EPHB1: variants seen among roughly 807,000 people sequenced by gnomAD.
EPHB1 encodes EPH receptor B1, also known as ephrin type-B receptor 1.
Under a neutral mutation model 94.4 loss-of-function variants are expected in EPHB1, and 30 were observed. That is an observed-to-expected ratio of 0.32 (90% CI 0.24 to 0.43). EPHB1 has a LOEUF of 0.43. Among genes scored for constraint, EPHB1 ranks in the 20% least tolerant of loss-of-function variants. The probability of loss-of-function intolerance (pLI) is 1.00; values close to 1 mark genes in which losing one functional copy is unlikely to be tolerated. For synonymous variants in EPHB1, 522 were observed against 489.1 expected (o/e 1.07, Z -0.89); for missense variants, 1,055 against 1,308.3 (o/e 0.81, Z 2.99).
intron 3 of EPHB1, among the ~76,000 whole-genome samples, chr3:135,092,770 C>A (rs1406785355): frequency 6.6e-6 from 1 of 152,196 alleles, no homozygotes; most frequent in Non-Finnish European, 1.5e-5. Context: ...GGACTACAGG[C>A]ATGCGCCACT....
At chr3:135,083,520 CAGAAGAGAGGA>C (rs1938233309) in intron 3 of EPHB1, among the ~76,000 whole-genome samples, 2 of 151,776 alleles carry the variant, frequency 1.3e-5, no homozygotes, top group African/African-American at 4.8e-5. Flanking sequence ...GTTGAAAATA[CAGAAGAGAGGA>C]TGAAGGCATT....
At chr3:134,882,947 C>T (rs556560559) in intron 1 of EPHB1, among the ~76,000 whole-genome samples, 7 of 152,072 alleles carry the variant, frequency 4.6e-5, no homozygotes, top group African/African-American at 9.6e-5. Context: ...CTCAGCCTCC[C>T]GAATAGCTGG....
In EPHB1 at chr3:135,206,491, C is replaced by T. The variant is rs375047491; in HGVS notation, c.2346+4802C>T. Among the ~76,000 whole-genome samples the T allele has an allele frequency of 5.9e-5, 9 of 152,252 alleles. No individual in the cohort carries two copies. In the East Asian group the frequency reaches 1.2e-3, roughly 20 times the overall value. ...TTATTCTTATGCTCAACCGTGTTGT[C>T]CTGATTATAATAATGTTAGCAAAAG... On this transcript the variant is annotated intron_variant, in intron 12 of 15. Transcript: ENST00000398015.
intron 3 of EPHB1, chr3:135,067,729 C>T (rs1352769273): frequency 6.6e-6 from 1 of 152,336 alleles, no homozygotes; most frequent in East Asian, 1.9e-4. Flanking sequence ...CATATTGTTA[C>T]AAAGTTCAGC....
chr3:134,918,059 G>T (rs1477810136), intron 1 of EPHB1, among the ~76,000 whole-genome samples: 1 of 152,222 alleles, frequency 6.6e-6, no homozygotes, highest in Non-Finnish European at 1.5e-5. Flanking sequence ...CATTTATATT[G>T]TATGAGGGCA....
intron 10 of EPHB1, among the ~76,000 whole-genome samples, chr3:135,191,118 G>A (rs556052670): frequency 6.6e-6 from 1 of 151,816 alleles, no homozygotes; most frequent in Admixed American, 6.6e-5. Context: ...AGGAAGGAAG[G>A]AAGGGAGGGA....
chr3:134,865,298 A>G (rs1451811035), intron 1 of EPHB1, among the ~76,000 whole-genome samples: 1 of 152,206 alleles, frequency 6.6e-6, no homozygotes, highest in Non-Finnish European at 1.5e-5. Context: ...ATGTCTCAGT[A>G]ATGAGCCACA....
chr3:135,229,841 C>G (rs1243098366), intron 12 of EPHB1, among the ~76,000 whole-genome samples: 1 of 152,178 alleles, frequency 6.6e-6, no homozygotes, highest in Non-Finnish European at 1.5e-5. Context: ...AGCAGGAAGC[C>G]CATGTAGCCT....
In EPHB1 at chr3:134,807,724, T is replaced by G. The variant is rs900065237; in HGVS notation, c.58+12035T>G. 2.6e-5 allele frequency among the ~76,000 whole-genome samples: 4 copies of G among 151,922 alleles called. No homozygotes were observed. The East Asian group carries it at 7.7e-4, about 29-fold the overall frequency. On this transcript the variant is annotated intron_variant, in intron 1 of 15. Transcript: ENST00000398015. ...ACAGGCTTTACTGAGGAGGGTTTAATGAAAAGACTCTCTACAGAGGTGTGA... is the reference window on the plus strand; with the variant it reads ...ACAGGCTTTACTGAGGAGGGTTTAAGGAAAAGACTCTCTACAGAGGTGTGA...
chr3:134,866,527 G>A (rs915742256), intron 1 of EPHB1, among the ~76,000 whole-genome samples: 2 of 152,188 alleles, frequency 1.3e-5, no homozygotes, highest in Admixed American at 6.5e-5. Flanking sequence ...CATCTGGGAA[G>A]GTGTCTTGAG....
At chr3:134,961,780 T>G (rs7626670) in intron 3 of EPHB1, among the ~76,000 whole-genome samples, 14,776 of 152,220 alleles carry the variant, frequency 0.097, 1,443 homozygotes, top group African/African-American at 0.25. Context: ...CATGGATATA[T>G]TTTACTTAAT....
chr3:135,016,001 G>A (rs1457003761), intron 3 of EPHB1, among the ~76,000 whole-genome samples: 1 of 152,194 alleles, frequency 6.6e-6, no homozygotes, highest in Non-Finnish European at 1.5e-5. Context: ...TGAGGTCTGG[G>A]AAGTAGCCAG....
At chr3:135,246,900 C>T (rs912525354) in intron 13 of EPHB1, among the ~76,000 whole-genome samples, 3 of 152,134 alleles carry the variant, frequency 2.0e-5, no homozygotes, top group Non-Finnish European at 2.9e-5. Flanking sequence ...CATGTCCTAT[C>T]TCATGTCCTA....
chr3:134,831,871 G>A (rs1014510970), intron 1 of EPHB1, among the ~76,000 whole-genome samples: 1 of 152,198 alleles, frequency 6.6e-6, no homozygotes, highest in Non-Finnish European at 1.5e-5. Context: ...GAACCTGTTT[G>A]GATATTTCTA....
intron 2 of EPHB1, among the ~76,000 whole-genome samples, chr3:134,946,186 C>T (rs1344000227): frequency 2.0e-5 from 3 of 152,136 alleles, no homozygotes; most frequent in Non-Finnish European, 4.4e-5. Flanking sequence ...GTTGTCCTGC[C>T]CATACACTCA....
At chr3:134,878,597 A>G (rs1578163343) in intron 1 of EPHB1, among the ~76,000 whole-genome samples, 1 of 152,148 alleles carries the variant, frequency 6.6e-6, no homozygotes, top group South Asian at 2.1e-4. Flanking sequence ...ATGGAAAGGG[A>G]AGATTTGGCC....
intron 3 of EPHB1, among the ~76,000 whole-genome samples, chr3:135,033,480 G>C (rs1031749145): frequency 4.6e-5 from 7 of 152,120 alleles, no homozygotes; most frequent in African/African-American, 1.7e-4. Context: ...TCTAAAGTGG[G>C]GAAATGTTTC....
At chr3:135,132,593 G>C in intron 4 of EPHB1, 121 bp from the exon 5 acceptor site, 1 of 805,014 alleles carries the variant, frequency 1.2e-6, no homozygotes, top group South Asian at 1.9e-5. Context: ...ATTTGGGGTT[G>C]AGGAAGGAGT....
At chr3:135,214,835 GA>G (rs1372454511) in intron 12 of EPHB1, among the ~76,000 whole-genome samples, 6 of 152,176 alleles carry the variant, frequency 3.9e-5, no homozygotes, top group African/African-American at 1.4e-4. Context: ...TGTCGCCTGA[GA>G]AAGGGGCAAA....
Sources: allele counts gnomAD v4.1 joint callset (sites outside exome capture counted in the v4.1 genomes callset), GRCh38; gene constraint gnomAD v4.1.1; transcripts MANE v1.5; gene names NCBI Gene and HGNC (gene_info 2026-07-23, HGNC 2026-07-21).